ZHX1: variants seen among roughly 807,000 people sequenced by gnomAD.
The protein encoded by ZHX1 is zinc fingers and homeoboxes protein 1.
A neutral mutation model predicts 61.8 loss-of-function variants in ZHX1; 20 were observed. The ratio of observed to expected loss-of-function variants is 0.32; its 90% CI spans 0.23 to 0.47. The LOEUF is 0.47. Ranked by LOEUF, ZHX1 falls within the 20% of genes least tolerant of loss-of-function variation. The probability of loss-of-function intolerance (pLI) is 1.00; values close to 1 mark genes in which losing one functional copy is unlikely to be tolerated. For missense variants in ZHX1, 800 were observed against 1,034.8 expected (o/e 0.77, Z 3.11); for synonymous variants, 318 against 352.6 (o/e 0.90, Z 1.10).
chr8:123,264,007 C>T (rs925539343), intron 2 of ZHX1, among the ~76,000 whole-genome samples: 4 of 151,884 alleles, frequency 2.6e-5, no homozygotes, highest in African/African-American at 9.7e-5. Flanking sequence ...ATTAAAACAC[C>T]CTTGAATCTA....
Position 123,253,928 on chromosome 8 carries a change from G to A in ZHX1, c.2019C>T (p.His673=), listed in dbSNP as rs1304964285. 2.5e-6 allele frequency: 4 copies of A among 1,614,082 alleles called. No individual in the cohort carries two copies. Among genetic ancestry groups the A allele is most frequent in the African/African-American group, 2.7e-5 (2 of 74,940 alleles). ...TCCGGACAAATGCACTCTTAAGCAT[G>A]TGCAGCTGCTCAGGTGTTTTTTTAC... ...KICKKTPEQL[H]MLKSAFVRTQ... is the part of the protein sequence containing the mutation. Residue 673 remains histidine, a synonymous_variant, in exon 3 of 4, where the codon CAC becomes CAT. Transcript: ENST00000395571.
In ZHX1 at chr8:123,248,457, A is replaced by G. The variant is rs1825829916; in HGVS notation, c.*1867T>C. On this transcript the variant is annotated 3_prime_UTR_variant, in exon 4 of 4. Transcript: ENST00000395571. The stretch of plus-strand genomic sequence containing the variant: ...AAAATGAAAAAAAAAAGGTCACTGT[A>G]AACTACTAATCACTACTTTTATTTT... The G allele has an allele frequency of 6.6e-6, 1 of 152,192 alleles. No individual in the cohort carries two copies. Among genetic ancestry groups the G allele is most frequent in the African/African-American group, 2.4e-5 (1 of 41,452 alleles). 9.4% of individuals were successfully genotyped at this position (152,192 alleles called of 1,614,324 possible). A position where few individuals can be genotyped will look rare whatever the true frequency, so the allele number is the denominator to read the frequency against.
intron 2 of ZHX1, among the ~76,000 whole-genome samples, chr8:123,259,379 G>C (rs1175775763): frequency 6.6e-6 from 1 of 151,634 alleles, no homozygotes; most frequent in Admixed American, 6.6e-5. Flanking sequence ...ATCAAATAGG[G>C]GTTGCCATTT....
At chr8:123,261,098 T>C (rs1375392625) in intron 2 of ZHX1, among the ~76,000 whole-genome samples, 1 of 152,178 alleles carries the variant, frequency 6.6e-6, no homozygotes, top group Non-Finnish European at 1.5e-5. Context: ...GGTCAGTGTA[T>C]TATTTAACAT....
At chr8:123,250,592 T>C (rs1437760342) in intron 3 of ZHX1, among the ~76,000 whole-genome samples, 1 of 152,210 alleles carries the variant, frequency 6.6e-6, no homozygotes, top group Non-Finnish European at 1.5e-5. Context: ...ATTGTCAGTA[T>C]CTGTAATAAG....
chr8:123,268,361 A>G (rs1260327827), intron 1 of ZHX1, among the ~76,000 whole-genome samples: 1 of 152,256 alleles, frequency 6.6e-6, no homozygotes, highest in Non-Finnish European at 1.5e-5. Flanking sequence ...TGAAAATTCA[A>G]TTACTGTCCA....
chr8:123,264,840 T>G (rs1427425027), intron 2 of ZHX1, among the ~76,000 whole-genome samples: 1 of 148,260 alleles, frequency 6.7e-6, no homozygotes, highest in Non-Finnish European at 1.5e-5. Flanking sequence ...ATTACAGGCA[T>G]GACCCACTGT....
chr8:123,273,286 T>C (rs1826718658), intron 1 of ZHX1, among the ~76,000 whole-genome samples: 1 of 152,094 alleles, frequency 6.6e-6, no homozygotes, highest in African/African-American at 2.4e-5. Flanking sequence ...TTGGTGTAAA[T>C]ATATAAGGAA....
chr8:123,255,266 A>C lies in ZHX1; in HGVS notation c.681T>G (p.Ser227=). 1.9e-6 allele frequency: 3 copies of C among 1,614,214 alleles called. No individual in the cohort carries two copies. The highest frequency in any genetic ancestry group is 2.5e-6 in the Non-Finnish European group (3 of 1,180,032). The change falls in exon 3 of 4, where the codon TCT becomes TCG. Residue 227 remains serine, a synonymous_variant. Coordinates refer to ENST00000395571, the MANE Select transcript of ZHX1 (RefSeq NM_007222.5). Reference sequence around the variant, plus strand: ...TACTTGTATTAGATTCAGAAGCTGAAGAACTTGGATTTTCTACAATTTCTT... The same window carrying C: ...TACTTGTATTAGATTCAGAAGCTGACGAACTTGGATTTTCTACAATTTCTT... The part of the protein sequence containing the change: ...DREEIVENPS[S]SASESNTSTS...
chr8:123,273,929 CA>C, intron 1 of ZHX1: 1 of 152,520 alleles, frequency 6.6e-6, no homozygotes, highest in Non-Finnish European at 1.5e-5. Context: ...CGGAGACACC[CA>C]AAAAGAGCGA....
chr8:123,268,830 T>C (rs1826549870), intron 1 of ZHX1, among the ~76,000 whole-genome samples: 4 of 152,236 alleles, frequency 2.6e-5, no homozygotes, highest in Non-Finnish European at 5.9e-5. Context: ...TAAACTATAA[T>C]GAATAAATAT....
At chr8:123,261,140 G>C (rs1429174330) in intron 2 of ZHX1, among the ~76,000 whole-genome samples, 1 of 152,176 alleles carries the variant, frequency 6.6e-6, no homozygotes, top group African/African-American at 2.4e-5. Flanking sequence ...AGTCCCAAAA[G>C]AGTTTCAAGA....
Position 123,253,944 on chromosome 8 carries a change from G to GT in ZHX1, c.2002dup (p.Thr668AsnfsTer3). On this transcript the variant is annotated frameshift_variant, in exon 3 of 4. Transcript: ENST00000395571. LOFTEE classifies it high-confidence loss of function. ...CTTAAGCATGTGCAGCTGCTCAGGT[G>GT]TTTTTTTACATATCTTGCCTGTACT... 1 of 1,614,122 alleles carries GT rather than the reference G, an allele frequency of 6.2e-7. No homozygotes were observed. The highest frequency in any genetic ancestry group is 1.7e-5 in the Admixed American group (1 of 60,000).
At chr8:123,274,573 C>T (rs1031948589), upstream of ZHX1, 10 of 152,334 alleles carry the variant, frequency 6.6e-5, no homozygotes, top group Non-Finnish European at 1.3e-4. Context: ...GGCCCCTAGT[C>T]CGGGGATTGG....
intron 2 of ZHX1, among the ~76,000 whole-genome samples, chr8:123,257,700 G>T (rs561802696): frequency 1.3e-5 from 2 of 152,188 alleles, no homozygotes; most frequent in East Asian, 3.8e-4. Flanking sequence ...TCACAATAGG[G>T]TTGTGCTCCT....
In ZHX1 at chr8:123,267,365, C is replaced by G; in HGVS notation, c.-318G>C. ...CTCAGGCCATCATTACCAACAGGTC[C>G]AAAGCAGCAGTCTGTCTTCTCCTAC... On this transcript the variant is annotated 5_prime_UTR_variant, in exon 2 of 4. Coordinates refer to ENST00000395571, the MANE Select transcript of ZHX1 (RefSeq NM_007222.5). 4 of 1,262,652 alleles carry G rather than the reference C, an allele frequency of 3.2e-6. No homozygotes were observed. The highest frequency in any genetic ancestry group is 1.1e-6 in the Non-Finnish European group (1 of 924,252). The allele number at this position is 1,262,652 out of a possible 1,614,324, so 78.2% of individuals were successfully genotyped here.
intron 2 of ZHX1, among the ~76,000 whole-genome samples, chr8:123,264,324 C>T (rs1434879998): frequency 6.6e-6 from 1 of 152,000 alleles, no homozygotes; most frequent in Non-Finnish European, 1.5e-5. Flanking sequence ...AAAAATAAGT[C>T]CTCAATGTAA....
In ZHX1 at chr8:123,254,669, T is replaced by C. The variant is rs1252850806; in HGVS notation, c.1278A>G (p.Ile426Met). The C allele has an allele frequency of 1.2e-6, 2 of 1,614,168 alleles. No homozygotes were observed. Among genetic ancestry groups the C allele is most frequent in the South Asian group, 1.1e-5 (1 of 91,086 alleles). ...TVAGVPSQNN[I>M]QKSQVPAAQP... ...GAGCAGCAGGTACCTGACTTTTCTG[T>C]ATATTATTTTGACTTGGAACGCCTG... is the stretch of plus-strand genomic sequence containing the variant. The change falls in exon 3 of 4, where the codon ATA (isoleucine) becomes ATG (methionine). Residue 426 changes from isoleucine (I) to methionine (M), a missense_variant. By Grantham distance (10) the Ile-to-Met change is conservative. Coordinates refer to ENST00000395571, the MANE Select transcript of ZHX1 (RefSeq NM_007222.5). The surrounding 1 kb of genome is among the most constrained non-coding windows in gnomAD (Gnocchi z 4.1).
At chr8:123,272,960 A>G (rs1049106159) in intron 1 of ZHX1, among the ~76,000 whole-genome samples, 8 of 151,364 alleles carry the variant, frequency 5.3e-5, no homozygotes, top group Non-Finnish European at 1.2e-4. Flanking sequence ...TCTCTCAAAT[A>G]TTAGCTCTTC....
Sources: gnomAD v4.1 joint callset for allele counts (sites outside exome capture counted in the v4.1 genomes callset) on GRCh38, gnomAD v4.1.1 for gene constraint, Gnocchi (gnomAD v3.1) non-coding constraint, MANE v1.5 for transcripts, NCBI Gene and HGNC (gene_info 2026-07-23, HGNC 2026-07-21) for gene names.